SH3RF3: variants seen among roughly 807,000 people sequenced by gnomAD.
SH3RF3 encodes SH3 domain containing ring finger 3.
A neutral mutation model predicts 66.3 loss-of-function variants in SH3RF3; 29 were observed. The observed-to-expected ratio is 0.44, with a 90% CI of 0.33 to 0.60. SH3RF3 has a LOEUF of 0.60. SH3RF3 is among the 20% of genes least tolerant of loss of function. The pLI is 0.04. For synonymous variants in SH3RF3, 583 were observed against 532.0 expected (o/e 1.10, Z -1.32); for missense variants, 1,194 against 1,190.9 (o/e 1.00, Z -0.04).
intron 9 of SH3RF3, among the ~76,000 whole-genome samples, chr2:109,491,207 T>A (rs575613982): frequency 6.6e-6 from 1 of 152,210 alleles, no homozygotes; most frequent in East Asian, 1.9e-4. Context: ...CAGGACCAAG[T>A]GTTTCTGAGT....
At chr2:109,483,998 G>A (rs112206674) in intron 8 of SH3RF3, among the ~76,000 whole-genome samples, 4 of 151,068 alleles carry the variant, frequency 2.6e-5, no homozygotes, top group South Asian at 4.2e-4. Flanking sequence ...TGCTCCCAGC[G>A]TCCACCAGAC....
chr2:109,382,438 C>T (rs1005738967), intron 3 of SH3RF3, among the ~76,000 whole-genome samples: 4 of 152,124 alleles, frequency 2.6e-5, no homozygotes, highest in Non-Finnish European at 5.9e-5. Flanking sequence ...CCCTCAGCAG[C>T]CCACCTCCTG....
chr2:109,482,757 G>A (rs950988603), intron 8 of SH3RF3, among the ~76,000 whole-genome samples: 1 of 152,204 alleles, frequency 6.6e-6, no homozygotes. Context: ...GGAAGGGCAG[G>A]GAACAACTGC....
At chr2:109,427,619 G>T (rs1677064594) in intron 5 of SH3RF3, among the ~76,000 whole-genome samples, 1 of 152,214 alleles carries the variant, frequency 6.6e-6, no homozygotes, top group African/African-American at 2.4e-5. Context: ...CCACACACAA[G>T]TGTCAAAGGT....
intron 1 of SH3RF3, among the ~76,000 whole-genome samples, chr2:109,260,818 G>C (rs1008794785): frequency 4.6e-5 from 7 of 152,188 alleles, no homozygotes; most frequent in African/African-American, 1.2e-4. Context: ...ATGGTTTCAG[G>C]GGAGGGACTT....
chr2:109,140,865 C>G (rs1399357597), intron 1 of SH3RF3, among the ~76,000 whole-genome samples: 1 of 152,142 alleles, frequency 6.6e-6, no homozygotes, highest in African/African-American at 2.4e-5. Context: ...CAGTCTGGCC[C>G]CAGGGGTATC....
rs570884749 is a variant in SH3RF3 at position 109,367,130 on chromosome 2, T to C, written c.850-4456T>C. ...ACTGTGCCCTGGTAATTTTTTTTTT[T>C]TTTTTTTTTTTTTAGTAGAGACAGG... On this transcript the variant is annotated intron_variant, in intron 2 of 9. Coordinates refer to ENST00000309415, the MANE Select transcript of SH3RF3 (RefSeq NM_001099289.3). 2.0e-5 allele frequency among the ~76,000 whole-genome samples: 3 copies of C among 150,250 alleles called. No individual in the cohort carries two copies. In the East Asian group the frequency reaches 5.9e-4, roughly 29 times the overall value.
At chr2:109,236,560 G>A (rs1365844177) in intron 1 of SH3RF3, among the ~76,000 whole-genome samples, 2 of 152,158 alleles carry the variant, frequency 1.3e-5, no homozygotes, top group Admixed American at 6.5e-5. Context: ...GCATACACTT[G>A]GTTGAAGATG....
At chr2:109,466,815 ATATG>A (rs1409664681) in intron 8 of SH3RF3, among the ~76,000 whole-genome samples, 1 of 151,738 alleles carries the variant, frequency 6.6e-6, no homozygotes, top group Non-Finnish European at 1.5e-5. Flanking sequence ...GTGTATGTCT[ATATG>A]TGTGTATGTG....
intron 1 of SH3RF3, among the ~76,000 whole-genome samples, chr2:109,141,166 T>G (rs1676939377): frequency 6.6e-6 from 1 of 152,150 alleles, no homozygotes; most frequent in African/African-American, 2.4e-5. Flanking sequence ...TTTCTGCGGA[T>G]TCCTCTCTTT....
At chr2:109,292,794 A>C (rs897015393) in intron 1 of SH3RF3, among the ~76,000 whole-genome samples, 1 of 152,100 alleles carries the variant, frequency 6.6e-6, no homozygotes, top group South Asian at 2.1e-4. Flanking sequence ...GTGCAGTGGC[A>C]TGATCTTGGC....
In SH3RF3 at chr2:109,317,432, A is replaced by G. The variant is rs577435470; in HGVS notation, c.574-30242A>G. ...TTAGCGCTCAGAAGGGACACTGTCT[A>G]CTCCATGCTGGGGAGGCCCAGCCCC... On this transcript the variant is annotated intron_variant, in intron 1 of 9. Transcript: ENST00000309415. Among the ~76,000 whole-genome samples the G allele has an allele frequency of 1.1e-4, 16 of 151,244 alleles. No individual in the cohort carries two copies. The East Asian group carries it at 2.4e-3, about 22-fold the overall frequency.
At chr2:109,413,766 T>C (rs1216704184) in intron 4 of SH3RF3, among the ~76,000 whole-genome samples, 2 of 152,194 alleles carry the variant, frequency 1.3e-5, no homozygotes, top group Non-Finnish European at 2.9e-5. Flanking sequence ...ACTTCTCTGT[T>C]ACTAACTATG....
At position 109,338,706 on chromosome 2, in the gene SH3RF3, C is replaced by T. The variant is rs915493525; in HGVS notation, c.574-8968C>T. 5.3e-5 allele frequency among the ~76,000 whole-genome samples: 8 copies of T among 152,104 alleles called. 1 individual carries two copies. The highest frequency in any genetic ancestry group is 1.3e-4 in the Admixed American group (2 of 15,282). On this transcript the variant is annotated intron_variant, in intron 1 of 9. Coordinates refer to ENST00000309415, the MANE Select transcript of SH3RF3 (RefSeq NM_001099289.3). ...ACAAGTAGCTGTGACTACAGGCATG[C>T]GCCACCACGCCCGACTAATTTGTGT...
At chr2:109,142,060 G>T (rs915317908) in intron 1 of SH3RF3, among the ~76,000 whole-genome samples, 1 of 151,642 alleles carries the variant, frequency 6.6e-6, no homozygotes, top group Non-Finnish European at 1.5e-5. Flanking sequence ...GGGGTCTCAG[G>T]TATGTGCCTA....
intron 4 of SH3RF3, among the ~76,000 whole-genome samples, chr2:109,408,932 G>A (rs1258383141): frequency 6.6e-6 from 1 of 152,196 alleles, no homozygotes; most frequent in Non-Finnish European, 1.5e-5. Flanking sequence ...CATGAGCGGA[G>A]GCCATCCACG....
intron 1 of SH3RF3, among the ~76,000 whole-genome samples, chr2:109,278,010 C>CA (rs58675048): frequency 0.14 from 11,584 of 81,370 alleles, 1,064 homozygotes; most frequent in East Asian, 0.36. Flanking sequence ...CTGTCTCTAA[C>CA]AAAAAAAAAA....
At chr2:109,489,128 G>C (rs1211131470) in intron 8 of SH3RF3, among the ~76,000 whole-genome samples, 2 of 152,230 alleles carry the variant, frequency 1.3e-5, no homozygotes, top group East Asian at 3.9e-4. Context: ...CACTTGCCCA[G>C]GGCACACCTT....
chr2:109,315,954 A>G (rs1375277299), intron 1 of SH3RF3, among the ~76,000 whole-genome samples: 1 of 152,156 alleles, frequency 6.6e-6, no homozygotes, highest in Non-Finnish European at 1.5e-5. Flanking sequence ...GCCTTTTGAG[A>G]TGCATTAGCA....
Sources: allele counts gnomAD v4.1 joint callset (sites outside exome capture counted in the v4.1 genomes callset), GRCh38; gene constraint gnomAD v4.1.1; transcripts MANE v1.5; gene names NCBI Gene and HGNC (gene_info 2026-07-23, HGNC 2026-07-21).